Variants in TNFAIP6 observed in about 807,000 individuals in gnomAD.
The protein encoded by TNFAIP6 is TNF alpha induced protein 6, also known as tumor necrosis factor-inducible gene 6 protein.
In TNFAIP6, 36 loss-of-function variants were observed where a neutral mutation model predicts 33.7. The observed-to-expected ratio is 1.07, with a 90% CI of 0.82 to 1.41. TNFAIP6 has a LOEUF of 1.41. Ranked by LOEUF, TNFAIP6 falls within the 40% of genes most tolerant of loss-of-function variation. The pLI is 0.00. For synonymous variants in TNFAIP6, 113 were observed against 112.8 expected (o/e 1.00, Z -0.01); for missense variants, 273 against 331.9 (o/e 0.82, Z 1.38).
At chr2:151,362,281 T>G (rs1434656106) in intron 1 of TNFAIP6, among the ~76,000 whole-genome samples, 1 of 152,098 alleles carries the variant, frequency 6.6e-6, no homozygotes, top group Non-Finnish European at 1.5e-5. Context: ...ATGTATGACT[T>G]AACACTGCCT....
At chr2:151,364,222 T>C in intron 2 of TNFAIP6, 142 bp downstream of exon 2, 1 of 1,079,896 alleles carries the variant, frequency 9.3e-7, no homozygotes. Context: ...CTCTCTGACT[T>C]CTCCTATCCA....
Position 151,369,909 on chromosome 2 carries a change from C to T in TNFAIP6, c.395-111C>T, listed in dbSNP as rs571319186. On this transcript the variant is annotated intron_variant, in intron 3 of 5. Coordinates refer to ENST00000243347, the MANE Select transcript of TNFAIP6 (RefSeq NM_007115.4). The stretch of plus-strand genomic sequence containing the variant: ...ATACCATAGATGCTGTATACTAAGA[C>T]ATTTAACATTTCATAAAAAGTAATA... The T allele has an allele frequency of 4.2e-4, 321 of 768,174 alleles. 2 individuals carry two copies. In the African/African-American group the frequency reaches 4.5e-3, roughly 11 times the overall value. 47.6% of individuals were successfully genotyped at this position (768,174 alleles called of 1,614,324 possible). A position where few individuals can be genotyped will look rare whatever the true frequency, so the allele number is the denominator to read the frequency against.
chr2:151,376,788 C>T (rs1266781669), intron 5 of TNFAIP6, among the ~76,000 whole-genome samples: 1 of 151,336 alleles, frequency 6.6e-6, no homozygotes, highest in Admixed American at 6.6e-5. Flanking sequence ...CATTTTAAAA[C>T]CTCTGTCTTT....
rs757498795 is a variant in TNFAIP6 at position 151,357,642 on chromosome 2, C to T, written c.-25C>T. On this transcript the variant is annotated 5_prime_UTR_variant, in exon 1 of 6. Transcript: ENST00000243347. ...GAATTTGTGAGCAGCCCCTAACAGGCTGTTACTTCACTACAACTGACGATA... is the reference window on the plus strand; with the variant it reads ...GAATTTGTGAGCAGCCCCTAACAGGTTGTTACTTCACTACAACTGACGATA... 5.5e-6 allele frequency: 8 copies of T among 1,446,366 alleles called. No homozygotes were observed. The South Asian group carries it at 5.7e-5, about 10-fold the overall frequency. 89.6% of individuals were successfully genotyped at this position (1,446,366 alleles called of 1,614,324 possible).
Position 151,379,523 on chromosome 2 carries a change from G to T in TNFAIP6, c.824G>T (p.Ser275Ile). Reference protein sequence around the residue: ...GNKNFLAGRFSHL With the variant: ...GNKNFLAGRFIHL ...AAAAACTTTTTAGCTGGAAGATTTA[G>T]CCACTTATAAAAAAAAAAAAAAGGA... The change falls in exon 6 of 6, where the codon AGC (serine) becomes ATC (isoleucine). Residue 275 changes from serine (S) to isoleucine (I), a missense_variant. Coordinates refer to ENST00000243347, the MANE Select transcript of TNFAIP6 (RefSeq NM_007115.4). 6.6e-7 allele frequency: 1 copy of T among 1,513,334 alleles called. No homozygotes were observed. The highest frequency in any genetic ancestry group is 8.8e-7 in the Non-Finnish European group (1 of 1,138,010). 93.7% of individuals were successfully genotyped at this position (1,513,334 alleles called of 1,614,324 possible).
intron 5 of TNFAIP6, among the ~76,000 whole-genome samples, chr2:151,376,104 G>A (rs911696616): frequency 3.3e-5 from 5 of 152,068 alleles, no homozygotes; most frequent in African/African-American, 4.8e-5. Context: ...AAATTAGCCC[G>A]GTGTGGTGGC....
chr2:151,357,980 G>C (rs927625749), intron 1 of TNFAIP6, among the ~76,000 whole-genome samples: 18 of 151,850 alleles, frequency 1.2e-4, no homozygotes, highest in African/African-American at 4.4e-4. Flanking sequence ...GAATTGTTCA[G>C]TAGAAAATAG....
intron 4 of TNFAIP6, chr2:151,372,421 G>A (rs1439833674): frequency 1.3e-5 from 2 of 152,034 alleles, no homozygotes; most frequent in African/African-American, 4.8e-5. Context: ...TTAGAAACCT[G>A]TAAAACCCTT....
In TNFAIP6 at chr2:151,370,305, C is replaced by T. The variant is rs1684794563; in HGVS notation, c.623+57C>T. 2.3e-6 allele frequency: 3 copies of T among 1,298,914 alleles called. No individual in the cohort carries two copies. In the African/African-American group the frequency reaches 4.4e-5, roughly 19 times the overall value. 80.5% of individuals were successfully genotyped at this position (1,298,914 alleles called of 1,614,324 possible). A position where few individuals can be genotyped will look rare whatever the true frequency, so the allele number is the denominator to read the frequency against. ...TGAACGTCCAGTATTTTGTTTGATG[C>T]TTCTTTAATTTTCCCTCAACTGTCC... On this transcript the variant is annotated intron_variant, in intron 4 of 5. Coordinates refer to ENST00000243347, the MANE Select transcript of TNFAIP6 (RefSeq NM_007115.4).
At chr2:151,369,925 A>G (rs543582565) in intron 3 of TNFAIP6, 95 bp from the exon 4 acceptor site, 2 of 928,902 alleles carry the variant, frequency 2.2e-6, no homozygotes, top group South Asian at 1.6e-5. Context: ...ACATTTCATA[A>G]AAAGTAATAG....
At chr2:151,375,198 A>T (rs541930162) in intron 5 of TNFAIP6, among the ~76,000 whole-genome samples, 1 of 151,940 alleles carries the variant, frequency 6.6e-6, no homozygotes, top group Non-Finnish European at 1.5e-5. Context: ...ACTTACTCCA[A>T]ATGTAATCAA....
chr2:151,375,206 C>T (rs1468384993), intron 5 of TNFAIP6, among the ~76,000 whole-genome samples: 1 of 145,222 alleles, frequency 6.9e-6, no homozygotes, highest in Non-Finnish European at 1.5e-5. Flanking sequence ...CAAATGTAAT[C>T]AAATCAGTGG....
intron 5 of TNFAIP6, among the ~76,000 whole-genome samples, chr2:151,376,865 CTTTTTTT>C (rs71403162): frequency 2.6e-5 from 3 of 114,162 alleles, no homozygotes; most frequent in Non-Finnish European, 5.2e-5. Context: ...TTTTTCTTTT[CTTTTTTT>C]TTTTTTTTTT....
chr2:151,363,928 C>T lies in TNFAIP6; in HGVS notation c.95-15C>T. ...AGGAACAACAGTGCTTTTATGACAT[C>T]ATCTGATTTTGCAGAACGAGCAGCC... On this transcript the variant is annotated splice_polypyrimidine_tract_variant and intron_variant, in intron 1 of 5. Transcript: ENST00000243347. 7 of 1,610,540 alleles carry T rather than the reference C, an allele frequency of 4.3e-6. No individual in the cohort carries two copies. The highest frequency in any genetic ancestry group is 5.9e-6 in the Non-Finnish European group (7 of 1,179,022).
intron 5 of TNFAIP6, 72 bp from the exon 6 acceptor site, chr2:151,379,292 A>G: frequency 7.5e-7 from 1 of 1,325,026 alleles, no homozygotes; most frequent in Non-Finnish European, 1.0e-6. Flanking sequence ...ATGAGAATGA[A>G]GAGTCTTTGA....
At chr2:151,362,733 G>A (rs540931573) in intron 1 of TNFAIP6, among the ~76,000 whole-genome samples, 124 of 151,914 alleles carry the variant, frequency 8.2e-4, no homozygotes, top group Non-Finnish European at 1.6e-4. Context: ...CTCGTGATCC[G>A]CCCGCCTCGG....
intron 1 of TNFAIP6, 90 bp downstream of exon 1, chr2:151,357,850 C>G (rs1312191674): frequency 1.1e-5 from 9 of 790,108 alleles, no homozygotes; most frequent in East Asian, 7.5e-5. Context: ...TTTTTCTATT[C>G]TGTACAAGGC....
At chr2:151,376,432 AAAAAG>A (rs1220275944) in intron 5 of TNFAIP6, among the ~76,000 whole-genome samples, 22 of 151,732 alleles carry the variant, frequency 1.4e-4, no homozygotes, top group Non-Finnish European at 2.5e-4. Flanking sequence ...AAAAAAAAAA[AAAAAG>A]AAAGAAAGAA....
intron 1 of TNFAIP6, 64 bp downstream of exon 1, chr2:151,357,824 A>C: frequency 2.8e-6 from 3 of 1,064,892 alleles, no homozygotes; most frequent in Non-Finnish European, 4.4e-6. Flanking sequence ...TGGAGAAGGA[A>C]ATTTAAAGCA....
Sources: allele counts gnomAD v4.1 joint callset (sites outside exome capture counted in the v4.1 genomes callset), GRCh38; gene constraint gnomAD v4.1.1; transcripts MANE v1.5; gene names NCBI Gene and HGNC (gene_info 2026-07-23, HGNC 2026-07-21).